Variants in SNAPC4 observed in about 807,000 individuals in gnomAD.
The protein encoded by SNAPC4 is snRNA-activating protein complex subunit 4.
Under a neutral mutation model 151.3 loss-of-function variants are expected in SNAPC4, and 127 were observed. The observed-to-expected ratio is 0.84, with a 90% confidence interval of 0.73 to 0.97. SNAPC4 has a LOEUF of 0.97. Ranked by LOEUF, SNAPC4 falls within the 50% of genes least tolerant of loss-of-function variation. The pLI is 0.00. For synonymous variants in SNAPC4, 1,002 were observed against 824.4 expected, an observed-to-expected ratio of 1.22 and a Z score of -3.69; for missense variants, 2,186 against 1,935.0, an observed-to-expected ratio of 1.13 and a Z score of -2.43.
chr9:136,380,130 CTG>C (rs1283504058), intron 20 of SNAPC4, among the ~76,000 whole-genome samples: 2 of 152,214 alleles, frequency 1.3e-5, no homozygotes. Context: ...CCGGAGGCTC[CTG>C]AACCGCAGGC....
chr9:136,398,539 C>T (rs1834351950), intron 1 of SNAPC4, 102 bp from the exon 2 acceptor site: 5 of 1,354,324 alleles, frequency 3.7e-6, no homozygotes, highest in African/African-American at 1.5e-5. Flanking sequence ...GGAGCCTGCT[C>T]GGCAGTGGGC....
chr9:136,394,744 G>T, intron 6 of SNAPC4, 56 bp downstream of exon 6: 2 of 1,467,530 alleles, frequency 1.4e-6, no homozygotes, highest in Non-Finnish European at 9.5e-7. Flanking sequence ...GGAAAGGAGG[G>T]CCATGGGGAG....
chr9:136,382,069 T>C lies in SNAPC4; in HGVS notation c.2072A>G (p.Glu691Gly). The C allele has an allele frequency of 6.3e-7, 1 of 1,584,696 alleles. No individual in the cohort carries two copies. Among genetic ancestry groups the C allele is most frequent in the Non-Finnish European group, 8.6e-7 (1 of 1,165,596 alleles). ...GGGCAGGGGTGGCTGCCTCAGCTGC[T>C]CTTTCTGTAAGGAGAAGGCAGCACC... ...NTAARSCTQKEQLRQPPLPTS... is the reference protein window; with the variant it reads ...NTAARSCTQKGQLRQPPLPTS... The change falls in exon 18 of 24, where the codon GAG becomes GGG. Residue 691 changes from glutamate (E) to glycine (G), a missense_variant. Transcript: ENST00000684778.
intron 18 of SNAPC4, 119 bp from the exon 19 acceptor site, chr9:136,381,511 G>A: frequency 1.1e-6 from 1 of 927,944 alleles, no homozygotes; most frequent in East Asian, 2.4e-5. Flanking sequence ...GCCAGGCCAG[G>A]GTGGGAGGGG....
chr9:136,399,372 G>A (rs917231426), intron 1 of SNAPC4, among the ~76,000 whole-genome samples: 2 of 152,318 alleles, frequency 1.3e-5, no homozygotes, highest in African/African-American at 2.4e-5. Context: ...AAATGCTTGT[G>A]AACCTGTAAA....
intron 10 of SNAPC4, among the ~76,000 whole-genome samples, chr9:136,389,064 G>A (rs1376947379): frequency 6.6e-6 from 1 of 152,146 alleles, no homozygotes; most frequent in Non-Finnish European, 1.5e-5. Flanking sequence ...CCTTGGTTTG[G>A]TGTCCATGTC....
At position 136,392,654 on chromosome 9, in the gene SNAPC4, C is replaced by T. The variant is rs777469690; in HGVS notation, c.737+19G>A. 1.2e-6 allele frequency: 2 copies of T among 1,613,556 alleles called. No homozygotes were observed. The highest frequency in any genetic ancestry group is 8.5e-7 in the Non-Finnish European group (1 of 1,179,830). Reference sequence around the variant, plus strand: ...TGGCTTGTGGGCTCCCCTGGGCCCTCCCGGGAGGCCCCCCTCACTTGATGT... The same window carrying T: ...TGGCTTGTGGGCTCCCCTGGGCCCTTCCGGGAGGCCCCCCTCACTTGATGT... On this transcript the variant is annotated intron_variant, in intron 8 of 23. Coordinates refer to ENST00000684778, the MANE Select transcript of SNAPC4 (RefSeq NM_003086.4).
Position 136,397,019 on chromosome 9 carries a change from T to C in SNAPC4, c.135A>G (p.Ser45=), listed in dbSNP as rs755418661. The change falls in exon 3 of 24, where the codon TCA becomes TCG. Residue 45 remains serine (S), a synonymous_variant. Coordinates refer to ENST00000684778, the MANE Select transcript of SNAPC4 (RefSeq NM_003086.4). ...SSLESDSEAD[S]LPSEDLDPAD... ...CAGGATCCAAGTCCTCAGAAGGCAGTGAATCTGTCAGAAACACAAGCAACA... is the reference window on the plus strand; with the variant it reads ...CAGGATCCAAGTCCTCAGAAGGCAGCGAATCTGTCAGAAACACAAGCAACA... 16 of 1,612,710 alleles carry C rather than the reference T, an allele frequency of 9.9e-6. No homozygotes were observed. The highest frequency in any genetic ancestry group is 1.4e-5 in the Non-Finnish European group (16 of 1,179,836).
chr9:136,376,784 C>T (rs1001301927), intron 22 of SNAPC4, among the ~76,000 whole-genome samples: 1 of 152,222 alleles, frequency 6.6e-6, no homozygotes, highest in Non-Finnish European at 1.5e-5. Flanking sequence ...AGGGCCTCTT[C>T]CCCTGGCTGG....
At chr9:136,396,774 T>G (rs867538563) in intron 3 of SNAPC4, among the ~76,000 whole-genome samples, 1 of 152,130 alleles carries the variant, frequency 6.6e-6, no homozygotes, top group Non-Finnish European at 1.5e-5. Flanking sequence ...ACCCAAGGGG[T>G]GTGATCACCA....
In SNAPC4 at chr9:136,388,524, T is replaced by G; in HGVS notation, c.1043A>C (p.Glu348Ala). The G allele has an allele frequency of 6.2e-7, 1 of 1,614,092 alleles. No individual in the cohort carries two copies. Among genetic ancestry groups the G allele is most frequent in the Non-Finnish European group, 8.5e-7 (1 of 1,180,026 alleles). ...QQHNKALKRK[E>A]WTEEEDRMLT... is the part of the protein sequence containing the mutation. ...CATGCGGTCCTCCTCCTCTGTCCACTCCTTGCGTTTCAGAGCTTTGTTGTG... is the reference window on the plus strand; with the variant it reads ...CATGCGGTCCTCCTCCTCTGTCCACGCCTTGCGTTTCAGAGCTTTGTTGTG... The change falls in exon 11 of 24, where the codon GAG becomes GCG. Residue 348 changes from glutamate (E) to alanine (A), a missense_variant. By Grantham distance (107) the Glu-to-Ala change is moderately radical (BLOSUM62 -1). Transcript: ENST00000684778.
In SNAPC4 at chr9:136,378,423, T is replaced by A; in HGVS notation, c.3404A>T (p.Gln1135Leu). The change falls in exon 22 of 24, where the codon CAG becomes CTG. Residue 1135 changes from glutamine to leucine, a missense_variant. Coordinates refer to ENST00000684778, the MANE Select transcript of SNAPC4 (RefSeq NM_003086.4). ...TTCCCTGTTCATATTGGCTGGGGGC[T>A]GCCAAGAGCTGCTCAACGCTGGGGC... ...PRAPALSSSW[Q>L]PPANMNREPE... 1 of 1,599,408 alleles carries A rather than the reference T, an allele frequency of 6.3e-7. No individual in the cohort carries two copies. Among genetic ancestry groups the A allele is most frequent in the Non-Finnish European group, 8.5e-7 (1 of 1,175,594 alleles).
Position 136,383,732 on chromosome 9 carries a change from G to A in SNAPC4, c.1501-64C>T. 2 of 1,552,642 alleles carry A rather than the reference G, an allele frequency of 1.3e-6. No individual in the cohort carries two copies. Among genetic ancestry groups the A allele is most frequent in the South Asian group, 1.2e-5 (1 of 81,578 alleles). ...CCCGGTTCACCCATGATGGCAGCAA[G>A]CAGGCCAGCCCTTTGGGGAGAGGCC... On this transcript the variant is annotated intron_variant, in intron 15 of 23. Coordinates refer to ENST00000684778, the MANE Select transcript of SNAPC4 (RefSeq NM_003086.4). This position sits in a 1 kb window ranked among gnomAD's most constrained non-coding sequence, Gnocchi z 4.2.
At chr9:136,396,249 C>T (rs765739038) in intron 3 of SNAPC4, among the ~76,000 whole-genome samples, 21 of 152,250 alleles carry the variant, frequency 1.4e-4, no homozygotes, top group Non-Finnish European at 1.2e-4. Flanking sequence ...TGCTCACTCA[C>T]AGAAGGTGAA....
chr9:136,397,565 G>C (rs950612251), intron 2 of SNAPC4, among the ~76,000 whole-genome samples: 2 of 135,700 alleles, frequency 1.5e-5, no homozygotes, highest in African/African-American at 5.6e-5. Context: ...ATGTTGGGAG[G>C]AGAGGCTGTG....
At chr9:136,380,533 C>T (rs918234899) in intron 20 of SNAPC4, among the ~76,000 whole-genome samples, 3 of 152,206 alleles carry the variant, frequency 2.0e-5, no homozygotes, top group African/African-American at 7.2e-5. Context: ...AAAACAGGCA[C>T]GTGGGCCCCA....
chr9:136,382,564 C>T (rs1450004309), intron 16 of SNAPC4, among the ~76,000 whole-genome samples: 1 of 152,234 alleles, frequency 6.6e-6, no homozygotes, highest in Non-Finnish European at 1.5e-5. Context: ...CCATGCCCCC[C>T]AGCCAGTTCC....
At chr9:136,396,636 C>T (rs952823622) in intron 3 of SNAPC4, among the ~76,000 whole-genome samples, 2 of 152,168 alleles carry the variant, frequency 1.3e-5, no homozygotes, top group African/African-American at 4.8e-5. Context: ...TCCCCGCTGC[C>T]CCACAGGAAT....
intron 23 of SNAPC4, 113 bp from the exon 24 acceptor site, chr9:136,375,913 C>A (rs980030783): frequency 6.4e-6 from 1 of 156,086 alleles, no homozygotes; most frequent in Admixed American, 6.4e-5. Flanking sequence ...CACGCCCAGT[C>A]TGCTTGGTAA....
Sources: gnomAD v4.1 joint callset for allele counts (sites outside exome capture counted in the v4.1 genomes callset) on GRCh38, gnomAD v4.1.1 for gene constraint, Gnocchi (gnomAD v3.1) non-coding constraint, MANE v1.5 for transcripts, NCBI Gene and HGNC (gene_info 2026-07-23, HGNC 2026-07-21) for gene names.